The following UNC13C variants were observed in gnomAD, a reference collection of about 807,000 sequenced individuals.
UNC13C encodes protein unc-13 homolog C.
Under a neutral mutation model 245.4 loss-of-function variants are expected in UNC13C, and 174 were observed. The ratio of observed to expected loss-of-function variants is 0.71; its 90% CI spans 0.63 to 0.80. UNC13C has a LOEUF of 0.80. UNC13C is among the 30% of genes least tolerant of loss of function. The pLI, the probability that UNC13C is intolerant of heterozygous loss-of-function variation, is 0.00. For missense variants in UNC13C, 2,829 were observed against 2,602.9 expected (o/e 1.09, Z -1.89); for synonymous variants, 992 against 895.1 (o/e 1.11, Z -1.93).
chr15:54,298,340 C>A (rs574051776), intron 12 of UNC13C, among the ~76,000 whole-genome samples: 13 of 152,218 alleles, frequency 8.5e-5, no homozygotes, highest in African/African-American at 3.1e-4. Context: ...TTTGAGAACT[C>A]CGAGTTAGAG....
At chr15:54,352,409 T>C (rs1467493403) in intron 17 of UNC13C, among the ~76,000 whole-genome samples, 1 of 150,280 alleles carries the variant, frequency 6.7e-6, no homozygotes, top group Non-Finnish European at 1.5e-5. Context: ...TTGGTCATAA[T>C]TGTTTAATTC....
chr15:54,037,771 A>G (rs1197288800), intron 2 of UNC13C, among the ~76,000 whole-genome samples: 5 of 151,986 alleles, frequency 3.3e-5, no homozygotes, highest in African/African-American at 1.2e-4. Flanking sequence ...CAAAATGGTT[A>G]GGTTTGCCAT....
chr15:54,596,565 G>C (rs1341005516), intron 30 of UNC13C, among the ~76,000 whole-genome samples: 2 of 152,150 alleles, frequency 1.3e-5, no homozygotes, highest in East Asian at 3.9e-4. Context: ...GACCATAATG[G>C]GAGGCATTGC....
chr15:53,994,503 C>T (rs1226348069), intron 1 of UNC13C, among the ~76,000 whole-genome samples: 1 of 151,870 alleles, frequency 6.6e-6, no homozygotes, highest in Non-Finnish European at 1.5e-5. Flanking sequence ...AAATGAAGTT[C>T]CATTGTGTGA....
chr15:54,362,162 G>A (rs1190544023), intron 17 of UNC13C, among the ~76,000 whole-genome samples: 5 of 152,270 alleles, frequency 3.3e-5, no homozygotes, highest in East Asian at 3.9e-4. Flanking sequence ...GATAAAAGAC[G>A]TACTCTTTAT....
At chr15:54,038,380 A>G (rs968886748) in intron 2 of UNC13C, among the ~76,000 whole-genome samples, 1 of 151,506 alleles carries the variant, frequency 6.6e-6, no homozygotes, top group Non-Finnish European at 1.5e-5. Flanking sequence ...TGATCCGCCC[A>G]CCTCTGCCTT....
At chr15:54,188,127 G>A (rs1282996843) in intron 4 of UNC13C, among the ~76,000 whole-genome samples, 1 of 152,058 alleles carries the variant, frequency 6.6e-6, no homozygotes. Context: ...CACACTGTAT[G>A]TTTTTACTCA....
chr15:54,407,204 G>A (rs919170206), intron 18 of UNC13C, among the ~76,000 whole-genome samples: 1 of 152,114 alleles, frequency 6.6e-6, no homozygotes, highest in Non-Finnish European at 1.5e-5. Flanking sequence ...TATCAGAAGA[G>A]GGAAAATAGA....
chr15:54,467,087 T>C (rs1327005128), intron 19 of UNC13C, among the ~76,000 whole-genome samples: 1 of 151,828 alleles, frequency 6.6e-6, no homozygotes, highest in Non-Finnish European at 1.5e-5. Context: ...AGTTTCTAAA[T>C]GAGAATTTCT....
intron 2 of UNC13C, among the ~76,000 whole-genome samples, chr15:54,096,724 C>T (rs141435009): frequency 1.2e-4 from 18 of 152,250 alleles, no homozygotes; most frequent in African/African-American, 1.9e-4. Flanking sequence ...GTCTTGTACT[C>T]GTCTTCCTCC....
chr15:54,015,461 A>T lies in UNC13C; in HGVS notation c.2558A>T (p.Tyr853Phe), dbSNP rs1271225906. Residue 853 changes from tyrosine to phenylalanine, a missense_variant, in exon 2 of 33, where the codon TAC becomes TTC. Physicochemically the swap from Tyr to Phe is conservative, Grantham distance 22. Coordinates refer to ENST00000260323, the MANE Select transcript of UNC13C (RefSeq NM_001080534.3). The part of the protein sequence containing the change: ...ESSTTLDSDV[Y>F]TEPYYYKAED... ...AGTACCACACTTGACTCTGATGTCTACACGGAGCCCTATTACTATAAAGCA... is the reference window on the plus strand; with the variant it reads ...AGTACCACACTTGACTCTGATGTCTTCACGGAGCCCTATTACTATAAAGCA... 2 of 1,613,678 alleles carry T rather than the reference A, an allele frequency of 1.2e-6. No individual in the cohort carries two copies. Among genetic ancestry groups the T allele is most frequent in the Non-Finnish European group, 1.7e-6 (2 of 1,179,788 alleles).
At chr15:54,059,083 A>G (rs1294738458) in intron 2 of UNC13C, among the ~76,000 whole-genome samples, 1 of 152,170 alleles carries the variant, frequency 6.6e-6, no homozygotes, top group Non-Finnish European at 1.5e-5. Flanking sequence ...TACCCCTCCT[A>G]TTCAACATAG....
chr15:54,249,769 T>C (rs572725023), intron 7 of UNC13C, among the ~76,000 whole-genome samples: 2 of 152,300 alleles, frequency 1.3e-5, no homozygotes, highest in South Asian at 2.1e-4. Context: ...CGGTGATAGG[T>C]ACTGAAAGCA....
chr15:54,085,443 T>G (rs1595831141), intron 2 of UNC13C, among the ~76,000 whole-genome samples: 1 of 152,278 alleles, frequency 6.6e-6, no homozygotes, highest in Non-Finnish European at 1.5e-5. Context: ...CAGGCCAGAC[T>G]TCTAAGAAGC....
At chr15:54,160,731 A>G (rs1370269530) in intron 4 of UNC13C, among the ~76,000 whole-genome samples, 1 of 152,218 alleles carries the variant, frequency 6.6e-6, no homozygotes, top group Non-Finnish European at 1.5e-5. Flanking sequence ...TATCAGTATT[A>G]AATGAATTGA....
intron 2 of UNC13C, among the ~76,000 whole-genome samples, chr15:54,126,422 A>C: frequency 6.6e-6 from 1 of 152,172 alleles, no homozygotes; most frequent in East Asian, 1.9e-4. Flanking sequence ...CTTAGAAGAC[A>C]TCGCAACAAA....
intron 4 of UNC13C, among the ~76,000 whole-genome samples, chr15:54,178,601 A>G (rs991776841): frequency 7.9e-5 from 12 of 152,172 alleles, no homozygotes; most frequent in African/African-American, 2.7e-4. Context: ...TGCAAAACGG[A>G]TGCCTGTTGT....
intron 4 of UNC13C, among the ~76,000 whole-genome samples, chr15:54,221,530 T>C (rs899762321): frequency 2.0e-5 from 3 of 151,908 alleles, no homozygotes; most frequent in African/African-American, 7.2e-5. Flanking sequence ...TAGGTTTTCA[T>C]AGGTTATCAT....
chr15:54,230,545 A>G (rs1255262346), intron 4 of UNC13C, among the ~76,000 whole-genome samples: 4 of 152,048 alleles, frequency 2.6e-5, no homozygotes, highest in Non-Finnish European at 5.9e-5. Flanking sequence ...AAATTACAGA[A>G]CATATGTAAT....
Sources: allele counts gnomAD v4.1 joint callset (sites outside exome capture counted in the v4.1 genomes callset), GRCh38; gene constraint gnomAD v4.1.1; transcripts MANE v1.5; gene names NCBI Gene and HGNC (gene_info 2026-07-23, HGNC 2026-07-21).